The following NXN variants were observed in gnomAD, a reference collection of about 807,000 sequenced individuals.
NXN encodes nucleoredoxin, also known as nucleoredoxin 1.
Under a neutral mutation model 48.6 loss-of-function variants are expected in NXN, and 16 were observed. The observed-to-expected ratio is 0.33, with a 90% CI of 0.22 to 0.50. The LOEUF (loss-of-function observed/expected upper bound fraction) is 0.50. Ranked by LOEUF, NXN falls within the 20% of genes least tolerant of loss-of-function variation. NXN has a pLI of 0.98. For synonymous variants in NXN, 281 were observed against 269.6 expected, an observed-to-expected ratio of 1.04 and a Z score of -0.41; for missense variants, 492 against 605.5, an observed-to-expected ratio of 0.81 and a Z score of 1.97.
chr17:926,666 G>A (rs547052484), intron 1 of NXN, among the ~76,000 whole-genome samples: 31 of 151,446 alleles, frequency 2.0e-4, no homozygotes, highest in South Asian at 4.2e-4. Flanking sequence ...CCACTTCAGC[G>A]TTCCGAGTAG....
In NXN at chr17:959,144, C is replaced by T. The variant is rs572331749; in HGVS notation, c.360+20175G>A. ...GCTGCTGGGGCCCAGCAACAAGAGCCGAGCGCCCCTACGGAAGGCTGGAGA... is the reference window on the plus strand; with the variant it reads ...GCTGCTGGGGCCCAGCAACAAGAGCTGAGCGCCCCTACGGAAGGCTGGAGA... On this transcript the variant is annotated intron_variant, in intron 1 of 7. Transcript: ENST00000336868. 10 of 526,102 alleles carry T rather than the reference C, an allele frequency of 1.9e-5. No individual in the cohort carries two copies. The South Asian group carries it at 2.1e-4, about 11-fold the overall frequency. The allele number at this position is 526,102 out of a possible 1,614,324, so 32.6% of individuals were successfully genotyped here.
intron 1 of NXN, among the ~76,000 whole-genome samples, chr17:842,147 A>C (rs11650995): frequency 0.033 from 4,996 of 152,174 alleles, 222 homozygotes; most frequent in East Asian, 0.24. Flanking sequence ...AAAACAAAAC[A>C]AAAAACCTGC....
Position 896,768 on chromosome 17 carries a change from G to A in NXN, c.361-70690C>T, listed in dbSNP as rs533425304. The A allele has an allele frequency of 8.4e-6, 7 of 831,656 alleles. No individual in the cohort carries two copies. In the South Asian group the frequency reaches 1.0e-4, roughly 12 times the overall value. 51.5% of individuals were successfully genotyped at this position (831,656 alleles called of 1,614,324 possible). A position where few individuals can be genotyped will look rare whatever the true frequency, so the allele number is the denominator to read the frequency against. On this transcript the variant is annotated intron_variant, in intron 1 of 7. Coordinates refer to ENST00000336868, the MANE Select transcript of NXN (RefSeq NM_022463.5). Reference sequence around the variant, plus strand: ...TTTCTGGTAATAGAACCTTCTCCTCGACTTCAAAGCTTCCCTAAATTCTCT... The same window carrying A: ...TTTCTGGTAATAGAACCTTCTCCTCAACTTCAAAGCTTCCCTAAATTCTCT...
chr17:822,318 C>T lies in NXN; in HGVS notation c.713+39G>A, dbSNP rs1912861037. 6.3e-6 allele frequency: 9 copies of T among 1,417,644 alleles called. No homozygotes were observed. In the East Asian group the frequency reaches 2.1e-4, roughly 33 times the overall value. 87.8% of individuals were successfully genotyped at this position (1,417,644 alleles called of 1,614,324 possible). On this transcript the variant is annotated intron_variant, in intron 4 of 7. Transcript: ENST00000336868. Reference sequence around the variant, plus strand: ...AAGAAAAAAAATGGATGTCAGCTACCTACAGAAAAGGGGCCCAGCACTTCA... The same window carrying T: ...AAGAAAAAAAATGGATGTCAGCTACTTACAGAAAAGGGGCCCAGCACTTCA...
chr17:850,216 C>A (rs149405985), intron 1 of NXN, among the ~76,000 whole-genome samples: 32 of 152,324 alleles, frequency 2.1e-4, no homozygotes, highest in Admixed American at 4.6e-4. Context: ...TTTCAAATCC[C>A]TTTCTCACGG....
At chr17:853,081 G>A (rs572172303) in intron 1 of NXN, among the ~76,000 whole-genome samples, 189 of 151,974 alleles carry the variant, frequency 1.2e-3, no homozygotes, top group Non-Finnish European at 1.8e-3. Context: ...GGGTTCAAGC[G>A]ATTCTCCTGC....
intron 1 of NXN, among the ~76,000 whole-genome samples, chr17:941,211 G>A (rs529269748): frequency 5.7e-5 from 8 of 139,292 alleles, no homozygotes; most frequent in Admixed American, 1.4e-4. Context: ...CCAGGGTGCA[G>A]CCATGAATTC....
intron 1 of NXN, among the ~76,000 whole-genome samples, chr17:934,851 G>A (rs527747129): frequency 1.3e-5 from 2 of 152,110 alleles, no homozygotes; most frequent in Non-Finnish European, 2.9e-5. Context: ...TACAGCCTGG[G>A]TGACAGGAAG....
intron 1 of NXN, among the ~76,000 whole-genome samples, chr17:877,111 A>G (rs1324179694): frequency 1.3e-5 from 2 of 151,922 alleles, no homozygotes; most frequent in African/African-American, 4.8e-5. Context: ...TTCTTAATAT[A>G]TTAAACAAAC....
rs930801479 is a variant in NXN, at chr17:800,601, C to T, written c.*348G>A. On this transcript the variant is annotated 3_prime_UTR_variant, in exon 8 of 8. Transcript: ENST00000336868. ...GTGTGCCGACGTCAGAGTCAGAGCC[C>T]GAGCGGGACCCACCGGCCCTCCACG... 1.4e-4 allele frequency: 24 copies of T among 171,776 alleles called. No homozygotes were observed. Among genetic ancestry groups the T allele is most frequent in the Non-Finnish European group, 2.5e-4 (20 of 81,272 alleles). 10.6% of individuals were successfully genotyped at this position (171,776 alleles called of 1,614,324 possible). A position where few individuals can be genotyped will look rare whatever the true frequency, so the allele number is the denominator to read the frequency against.
intron 1 of NXN, among the ~76,000 whole-genome samples, chr17:962,898 C>T (rs2069254238): frequency 2.6e-5 from 4 of 152,250 alleles, no homozygotes; most frequent in Admixed American, 2.6e-4. Context: ...CCTAGAGGGG[C>T]CCCTCTCTAA....
chr17:935,239 C>T (rs993795279), intron 1 of NXN, among the ~76,000 whole-genome samples: 10 of 149,740 alleles, frequency 6.7e-5, no homozygotes, highest in African/African-American at 2.5e-4. Flanking sequence ...GGTGATCTGC[C>T]CACCTTGGCC....
intron 1 of NXN, among the ~76,000 whole-genome samples, chr17:843,607 G>A (rs74478767): frequency 2.0e-5 from 3 of 152,348 alleles, no homozygotes; most frequent in South Asian, 2.1e-4. Flanking sequence ...TTGCATAGGA[G>A]GGGGAGTGAG....
At chr17:944,147 G>A (rs1042297385) in intron 1 of NXN, among the ~76,000 whole-genome samples, 32 of 151,920 alleles carry the variant, frequency 2.1e-4, no homozygotes, top group African/African-American at 7.3e-4. Context: ...GCTGAGACAG[G>A]AGAATTGCTT....
rs1913082033 is a variant in NXN, at chr17:826,026, A to G, written c.413T>C (p.Leu138Pro). 1 of 1,613,976 alleles carries G rather than the reference A, an allele frequency of 6.2e-7. No homozygotes were observed. ...CACAACCTTCCCAGTGGTGGCGTCG[A>G]GGAATATTAGTGATGGAATGTTGGA... The part of the protein sequence containing the change: ...RISNIPSLIF[L>P]DATTGKVVCR... Residue 138 changes from leucine to proline, a missense_variant, in exon 2 of 8, where the codon CTC (leucine) becomes CCC (proline). By Grantham distance (98) the Leu-to-Pro change is moderately conservative. Coordinates refer to ENST00000336868, the MANE Select transcript of NXN (RefSeq NM_022463.5).
At chr17:812,066 T>C (rs983246226) in intron 5 of NXN, among the ~76,000 whole-genome samples, 2 of 151,190 alleles carry the variant, frequency 1.3e-5, no homozygotes, top group African/African-American at 2.4e-5. Context: ...TAGCTGGGAC[T>C]ACAGGCGCCC....
chr17:803,573 G>A, intron 7 of NXN, 109 bp downstream of exon 7: 1 of 1,400,044 alleles, frequency 7.1e-7, no homozygotes. Flanking sequence ...CAGAAGCACA[G>A]GCAGCCCTGA....
intron 5 of NXN, among the ~76,000 whole-genome samples, chr17:813,682 C>T (rs529280479): frequency 3.2e-4 from 48 of 152,200 alleles, no homozygotes; most frequent in African/African-American, 8.9e-4. Flanking sequence ...TAAGAGACTA[C>T]GGCCGGCCGG....
At chr17:841,263 G>A (rs896490934) in intron 1 of NXN, among the ~76,000 whole-genome samples, 2 of 152,222 alleles carry the variant, frequency 1.3e-5, no homozygotes, top group African/African-American at 4.8e-5. Context: ...AACAGGCCCC[G>A]CATGCGGCCC....
Sources: gnomAD v4.1 joint callset for allele counts (sites outside exome capture counted in the v4.1 genomes callset) on GRCh38, gnomAD v4.1.1 for gene constraint, MANE v1.5 for transcripts, NCBI Gene and HGNC (gene_info 2026-07-23, HGNC 2026-07-21) for gene names.